Variants in GOSR1 observed in about 807,000 individuals in gnomAD.
The protein encoded by GOSR1 is golgi SNAP receptor complex member 1.
In GOSR1, 21 loss-of-function variants were observed where a neutral mutation model predicts 35.5. That is an observed-to-expected ratio of 0.59 (90% CI 0.42 to 0.85). The LOEUF (loss-of-function observed/expected upper bound fraction) is 0.85. GOSR1 is among the 40% of genes least tolerant of loss of function. The probability of loss-of-function intolerance (pLI) is 0.00; values close to 1 mark genes in which losing one functional copy is unlikely to be tolerated. For synonymous variants in GOSR1, 94 were observed against 106.6 expected (o/e 0.88, Z 0.73); for missense variants, 285 against 309.6 (o/e 0.92, Z 0.60).
chr17:30,485,266 G>T, intron 4 of GOSR1: 1 of 179,054 alleles, frequency 5.6e-6, no homozygotes. Context: ...CAAATAGGAA[G>T]GCAATTTTTT....
intron 6 of GOSR1, 89 bp downstream of exon 6, chr17:30,492,842 A>G: frequency 1.3e-6 from 1 of 790,858 alleles, no homozygotes; most frequent in Non-Finnish European, 2.2e-6. Flanking sequence ...TGTTTATTAT[A>G]CTGAGTGCCT....
At chr17:30,510,957 C>G (rs775631241) in intron 7 of GOSR1, 48 bp downstream of exon 7, 1 of 1,149,744 alleles carries the variant, frequency 8.7e-7, no homozygotes, top group Admixed American at 1.8e-5. Flanking sequence ...TTTGTTTGCA[C>G]GTAAATTTAA....
rs1914022638 is a variant in GOSR1 at position 30,477,589 on chromosome 17, C to T, written c.31+125C>T. On this transcript the variant is annotated intron_variant, in intron 1 of 8. Transcript: ENST00000451249. Reference sequence around the variant, plus strand: ...GGAGCGGCCGAGCTGAGCAGCGGGGCTTGCCTAAGTGGGATCCCCGGGGCC... The same window carrying T: ...GGAGCGGCCGAGCTGAGCAGCGGGGTTTGCCTAAGTGGGATCCCCGGGGCC... The T allele has an allele frequency of 4.3e-6, 6 of 1,400,200 alleles. No homozygotes were observed. The Admixed American group carries it at 1.3e-4, about 30-fold the overall frequency. 86.7% of individuals were successfully genotyped at this position (1,400,200 alleles called of 1,614,324 possible).
chr17:30,479,311 T>C (rs1019950544), intron 1 of GOSR1: 4 of 152,400 alleles, frequency 2.6e-5, no homozygotes, highest in African/African-American at 7.2e-5. Flanking sequence ...CTCGTATCTG[T>C]GTGTGGGTGT....
intron 7 of GOSR1, among the ~76,000 whole-genome samples, chr17:30,511,563 C>G (rs1177625460): frequency 6.7e-6 from 1 of 149,696 alleles, no homozygotes; most frequent in Non-Finnish European, 1.5e-5. Context: ...GAGTTTCACT[C>G]TTGTTGCCCA....
At position 30,493,088 on chromosome 17, in the gene GOSR1, G is replaced by A. The variant is rs374654487; in HGVS notation, c.509+335G>A. Among the ~76,000 whole-genome samples, 17 of 151,822 alleles carry A rather than the reference G, an allele frequency of 1.1e-4. No homozygotes were observed. The East Asian group carries it at 2.5e-3, about 22-fold the overall frequency. ...AGCTCACTGCAGCCGCTTGCCTCCCGGGTTCAAGCGATTCTCCTGCCTCAG... is the reference window on the plus strand; with the variant it reads ...AGCTCACTGCAGCCGCTTGCCTCCCAGGTTCAAGCGATTCTCCTGCCTCAG... On this transcript the variant is annotated intron_variant, in intron 6 of 8. Coordinates refer to ENST00000451249, the MANE Select transcript of GOSR1 (RefSeq NM_001007025.2).
intron 6 of GOSR1, among the ~76,000 whole-genome samples, chr17:30,498,844 A>G (rs114319380): frequency 1.2e-4 from 19 of 152,266 alleles, no homozygotes; most frequent in African/African-American, 4.6e-4. Flanking sequence ...TTTTCCTCAT[A>G]AATCAGATTT....
At chr17:30,493,819 A>G (rs1257390007) in intron 6 of GOSR1, among the ~76,000 whole-genome samples, 2 of 152,198 alleles carry the variant, frequency 1.3e-5, no homozygotes, top group African/African-American at 4.8e-5. Flanking sequence ...TATATTCCAT[A>G]ATAAAGATAA....
In GOSR1 at chr17:30,524,498, ATGAC is replaced by A. The variant is rs1422767524; in HGVS notation, c.*2121_*2124del. 1 of 152,076 alleles carries A rather than the reference ATGAC, an allele frequency of 6.6e-6. No individual in the cohort carries two copies. The highest frequency in any genetic ancestry group is 1.9e-4 in the East Asian group (1 of 5,180). The allele number at this position is 152,076 out of a possible 1,614,324, so 9.4% of individuals were successfully genotyped here. A position where few individuals can be genotyped will look rare whatever the true frequency, so the allele number is the denominator to read the frequency against. On this transcript the variant is annotated 3_prime_UTR_variant, in exon 9 of 9. Coordinates refer to ENST00000451249, the MANE Select transcript of GOSR1 (RefSeq NM_001007025.2). ...CTGTATTGCTGGAAAAACATCAAGA[ATGAC>A]AGTCTTATATTTAAGGCACCAGTCA...
intron 7 of GOSR1, among the ~76,000 whole-genome samples, chr17:30,511,161 A>T (rs967173433): frequency 6.6e-6 from 1 of 152,184 alleles, no homozygotes; most frequent in Non-Finnish European, 1.5e-5. Flanking sequence ...CAATTAATTT[A>T]TACTTAATAT....
chr17:30,491,341 G>T (rs754479486), intron 5 of GOSR1, among the ~76,000 whole-genome samples: 1 of 152,130 alleles, frequency 6.6e-6, no homozygotes, highest in Non-Finnish European at 1.5e-5. Context: ...TATCAACTCT[G>T]AGTTAGTCAC....
At position 30,481,748 on chromosome 17, in the gene GOSR1, C is replaced by T. The variant is rs956182929; in HGVS notation, c.146+491C>T. Among the ~76,000 whole-genome samples, 6 of 152,026 alleles carry T rather than the reference C, an allele frequency of 3.9e-5. No individual in the cohort carries two copies. In the East Asian group the frequency reaches 9.6e-4, roughly 24 times the overall value. ...TTAATTTTGGTACTTTTTTGGGAAA[C>T]TAGTGTATTACCATATTAAATGTAT... is the stretch of plus-strand genomic sequence containing the variant. On this transcript the variant is annotated intron_variant, in intron 2 of 8. Transcript: ENST00000451249.
rs1239603164 is a variant in GOSR1 at position 30,517,903 on chromosome 17, CA to C, written c.540-2031del. 3.3e-5 allele frequency among the ~76,000 whole-genome samples: 5 copies of C among 152,090 alleles called. No homozygotes were observed. The East Asian group carries it at 7.7e-4, about 23-fold the overall frequency. On this transcript the variant is annotated intron_variant, in intron 7 of 8. Coordinates refer to ENST00000451249, the MANE Select transcript of GOSR1 (RefSeq NM_001007025.2). ...TTTACTCTGTGAGACCTTACCTGGCCAAAAATGTGTTCACTCAGCTCCCAGA... is the reference window on the plus strand; with the variant it reads ...TTTACTCTGTGAGACCTTACCTGGCCAAAATGTGTTCACTCAGCTCCCAGA...
chr17:30,506,680 A>T (rs573074116), intron 6 of GOSR1, among the ~76,000 whole-genome samples: 2 of 152,380 alleles, frequency 1.3e-5, no homozygotes, highest in African/African-American at 4.8e-5. Context: ...TAAGCAACAG[A>T]TGTTTAGTGT....
chr17:30,488,700 G>A (rs928010265), intron 4 of GOSR1, among the ~76,000 whole-genome samples: 7 of 151,798 alleles, frequency 4.6e-5, no homozygotes, highest in African/African-American at 1.7e-4. Flanking sequence ...CACCACACCG[G>A]CTAAGTTTTG....
At chr17:30,506,098 A>G (rs1055743150) in intron 6 of GOSR1, among the ~76,000 whole-genome samples, 4 of 152,116 alleles carry the variant, frequency 2.6e-5, no homozygotes, top group Non-Finnish European at 5.9e-5. Flanking sequence ...GCCCCTCTCT[A>G]TTACCTGACA....
rs543206631 is a variant in GOSR1, at chr17:30,525,219, C to G, written c.*2841C>G. 7.9e-4 allele frequency: 121 copies of G among 152,272 alleles called. No individual in the cohort carries two copies. Among genetic ancestry groups the G allele is most frequent in the African/African-American group, 2.8e-3 (115 of 41,560 alleles). 9.4% of individuals were successfully genotyped at this position (152,272 alleles called of 1,614,324 possible). ...TGGTGTATAGATGCTGTTATTCAGG[C>G]GAACTTGCTCATGGGTGGACTAACA... On this transcript the variant is annotated 3_prime_UTR_variant, in exon 9 of 9. Transcript: ENST00000451249.
chr17:30,519,773 C>G (rs139342538), intron 7 of GOSR1, 166 bp from the exon 8 acceptor site: 4 of 551,704 alleles, frequency 7.3e-6, no homozygotes, highest in South Asian at 7.1e-5. Flanking sequence ...TTGGAAAAAG[C>G]GCAGTGGTAA....
intron 6 of GOSR1, among the ~76,000 whole-genome samples, chr17:30,498,933 C>G (rs957013398): frequency 3.9e-5 from 6 of 152,164 alleles, no homozygotes; most frequent in African/African-American, 1.4e-4. Context: ...AATATATAGA[C>G]TCTTTTAACC....
Sources: allele counts gnomAD v4.1 joint callset (sites outside exome capture counted in the v4.1 genomes callset), GRCh38; gene constraint gnomAD v4.1.1; transcripts MANE v1.5; gene names NCBI Gene and HGNC (gene_info 2026-07-23, HGNC 2026-07-21).